DGAT2: variants seen among roughly 807,000 people sequenced by gnomAD.
DGAT2 encodes the protein diacylglycerol O-acyltransferase 2, also known as acyl-CoA retinol O-fatty-acyltransferase.
In DGAT2, 33 loss-of-function variants were observed where a neutral mutation model predicts 48.4. That is an observed-to-expected ratio of 0.68 (90% CI 0.52 to 0.91). The LOEUF (loss-of-function observed/expected upper bound fraction) is 0.91. DGAT2 is among the 40% of genes least tolerant of loss of function. The probability of loss-of-function intolerance (pLI) is 0.00; values close to 1 mark genes in which losing one functional copy is unlikely to be tolerated. For synonymous variants in DGAT2, 191 were observed against 194.1 expected (o/e 0.98, Z 0.13); for missense variants, 446 against 493.7 (o/e 0.90, Z 0.92).
In DGAT2 at chr11:75,769,080, C is replaced by T. The variant is rs570824870; in HGVS notation, c.89C>T (p.Pro30Leu). Residue 30 changes from proline (P) to leucine (L), a missense_variant, in exon 1 of 8, where the codon CCT becomes CTT. Transcript: ENST00000228027. ...CGGAGCCAGCGCTCTCACGGAGGAC[C>T]TGCGCTGTCGCGCGAGGGGTCTGGG... Reference protein sequence around the residue: ...ADRSQRSHGGPALSREGSGRW... With the variant: ...ADRSQRSHGGLALSREGSGRW... 1.3e-4 allele frequency: 202 copies of T among 1,577,808 alleles called. No homozygotes were observed. In the East Asian group the frequency reaches 4.6e-3, roughly 36 times the overall value.
intron 2 of DGAT2, 33 bp downstream of exon 2, chr11:75,784,779 C>T (rs952560801): frequency 1.9e-6 from 3 of 1,612,986 alleles, no homozygotes; most frequent in South Asian, 1.1e-5. Context: ...GGCAGGTGGG[C>T]AGGCAGTGTC....
chr11:75,790,253 T>C lies in DGAT2; in HGVS notation c.316T>C (p.Tyr106His). The C allele has an allele frequency of 6.2e-7, 1 of 1,614,228 alleles. No homozygotes were observed. The highest frequency in any genetic ancestry group is 1.1e-5 in the South Asian group (1 of 91,092). Reference protein sequence around the residue: ...CTDCWLIAVLYFTWLVFDWNT... With the variant: ...CTDCWLIAVLHFTWLVFDWNT... ...TGATTGCTGGCTCATCGCTGTGCTC[T>C]ACTTCACTTGGCTGGTGTTTGACTG... Residue 106 changes from tyrosine (Y) to histidine (H), a missense_variant, in exon 3 of 8, where the codon TAC becomes CAC. Physicochemically the swap from Tyr to His is moderately conservative, Grantham distance 83. Coordinates refer to ENST00000228027, the MANE Select transcript of DGAT2 (RefSeq NM_032564.5).
At chr11:75,788,833 G>A (rs1187394779) in intron 2 of DGAT2, among the ~76,000 whole-genome samples, 1 of 152,214 alleles carries the variant, frequency 6.6e-6, no homozygotes, top group East Asian at 1.9e-4. Context: ...TGAATGCCAA[G>A]GACCAAAGAA....
chr11:75,800,808 G>A lies in DGAT2; in HGVS notation c.*300G>A. ...GAAACTCAGTCTTCTTGGGGAAGAA[G>A]GATTGCCATTAGTGACTTGGACCAG... is the stretch of plus-strand genomic sequence containing the variant. On this transcript the variant is annotated 3_prime_UTR_variant, in exon 8 of 8. Transcript: ENST00000228027. 3.1e-6 allele frequency: 1 copy of A among 326,642 alleles called. No individual in the cohort carries two copies. Among genetic ancestry groups the A allele is most frequent in the African/African-American group, 2.2e-5 (1 of 45,712 alleles). 20.2% of individuals were successfully genotyped at this position (326,642 alleles called of 1,614,324 possible).
At chr11:75,780,113 A>T (rs1180755748) in intron 1 of DGAT2, among the ~76,000 whole-genome samples, 3 of 152,134 alleles carry the variant, frequency 2.0e-5, no homozygotes, top group African/African-American at 4.8e-5. Context: ...GGCAGATAGG[A>T]GCAGGGACTT....
chr11:75,778,809 G>A (rs1944829745), intron 1 of DGAT2, among the ~76,000 whole-genome samples: 1 of 148,990 alleles, frequency 6.7e-6, no homozygotes, highest in South Asian at 2.1e-4. Context: ...ACTCCAGCCT[G>A]GGCGACAGAT....
At chr11:75,796,027 G>A (rs1468256942) in intron 4 of DGAT2, 1 of 355,410 alleles carries the variant, frequency 2.8e-6, no homozygotes, top group Non-Finnish European at 5.2e-6. Flanking sequence ...CAGAGGGAGG[G>A]AAGGCAGGAG....
Position 75,769,101 on chromosome 11 carries a change from C to G in DGAT2, c.110C>G (p.Ser37Cys), listed in dbSNP as rs1287359155. ...GGACCTGCGCTGTCGCGCGAGGGGT[C>G]TGGGAGATGGGGTGAGTGCCACGGC... ...HGGPALSREG[S>C]GRWGTGSSIL... is the part of the protein sequence containing the mutation. Residue 37 changes from serine to cysteine, a missense_variant, in exon 1 of 8, where the codon TCT becomes TGT. Physicochemically the swap from Ser to Cys is moderately radical, Grantham distance 112 (BLOSUM62 -1). Transcript: ENST00000228027. 3.2e-6 allele frequency: 5 copies of G among 1,568,750 alleles called. No homozygotes were observed.
intron 2 of DGAT2, among the ~76,000 whole-genome samples, chr11:75,785,082 A>G (rs1014802094): frequency 2.0e-5 from 3 of 152,124 alleles, no homozygotes; most frequent in African/African-American, 7.2e-5. Flanking sequence ...TGCCTTTCCC[A>G]CAATGCCACC....
In DGAT2 at chr11:75,790,660, G is replaced by A. The variant is rs773070174; in HGVS notation, c.359-1G>A. 4 of 1,614,016 alleles carry A rather than the reference G, an allele frequency of 2.5e-6. No individual in the cohort carries two copies. The Admixed American group carries it at 6.7e-5, about 27-fold the overall frequency. ...CAACTCTGTATTTTATTCCCTGGAA[G>A]GTGGCAGGAGGTCACAGTGGGTCCG... is the stretch of plus-strand genomic sequence containing the variant. On this transcript the variant is annotated splice_acceptor_variant, in intron 3 of 7. Transcript: ENST00000228027. LOFTEE classifies it high-confidence loss of function.
chr11:75,799,061 A>G (rs1016810581), intron 7 of DGAT2, among the ~76,000 whole-genome samples: 3 of 152,182 alleles, frequency 2.0e-5, no homozygotes, highest in African/African-American at 7.2e-5. Context: ...GTGTGTGTGC[A>G]TGTTAATGGA....
chr11:75,769,400 C>T (rs1375345388), intron 1 of DGAT2, among the ~76,000 whole-genome samples: 1 of 152,010 alleles, frequency 6.6e-6, no homozygotes, highest in East Asian at 1.9e-4. Context: ...CCTCTCCCTT[C>T]ACCAGGTAGA....
chr11:75,792,590 T>A (rs1251560277), intron 4 of DGAT2: 10 of 151,752 alleles, frequency 6.6e-5, no homozygotes. Flanking sequence ...GGGACTCTGG[T>A]CTTTGCTGCC....
intron 7 of DGAT2, 88 bp downstream of exon 7, chr11:75,798,517 G>T: frequency 1.4e-6 from 2 of 1,453,740 alleles, no homozygotes; most frequent in Non-Finnish European, 1.9e-6. Context: ...TCCAATGCAG[G>T]CCACCTGGCT....
intron 2 of DGAT2, among the ~76,000 whole-genome samples, chr11:75,785,010 A>T (rs1482145375): frequency 6.6e-6 from 1 of 152,160 alleles, no homozygotes; most frequent in African/African-American, 2.4e-5. Flanking sequence ...CTTAGAGAAG[A>T]TAGGTAACTT....
At position 75,788,380 on chromosome 11, in the gene DGAT2, G is replaced by T. The variant is rs763255978; in HGVS notation, c.251-1808G>T. The stretch of plus-strand genomic sequence containing the variant: ...TAACAGGCTCTTGTAGGCTGCACAT[G>T]CTTCCCTAGAAACTTGTCTTCCCTT... On this transcript the variant is annotated intron_variant, in intron 2 of 7. Coordinates refer to ENST00000228027, the MANE Select transcript of DGAT2 (RefSeq NM_032564.5). 1.3e-4 allele frequency among the ~76,000 whole-genome samples: 20 copies of T among 152,312 alleles called. 1 individual carries two copies. The South Asian group carries it at 1.7e-3, about 13-fold the overall frequency.
At chr11:75,776,106 T>G (rs1234315713) in intron 1 of DGAT2, 1 of 152,194 alleles carries the variant, frequency 6.6e-6, no homozygotes, top group East Asian at 1.9e-4. Context: ...GCCCCGACAT[T>G]AACCACCCTC....
intron 1 of DGAT2, among the ~76,000 whole-genome samples, chr11:75,777,208 C>T (rs1033641613): frequency 6.6e-6 from 1 of 151,042 alleles, no homozygotes; most frequent in East Asian, 2.0e-4. Flanking sequence ...ATCTTTCTGG[C>T]TCTCTCACAT....
At position 75,800,500 on chromosome 11, in the gene DGAT2, G is replaced by T. The variant is rs1239995206; in HGVS notation, c.1159G>T (p.Val387Leu). 6.2e-7 allele frequency: 1 copy of T among 1,614,070 alleles called. No individual in the cohort carries two copies. The highest frequency in any genetic ancestry group is 8.5e-7 in the Non-Finnish European group (1 of 1,179,974). Residue 387 changes from valine (V) to leucine (L), a missense_variant, in exon 8 of 8, where the codon GTG becomes TTG. Physicochemically the swap from Val to Leu is conservative, Grantham distance 32. Transcript: ENST00000228027. ...FGLPETEVLE[V>L]N is the part of the protein sequence containing the mutation. The stretch of plus-strand genomic sequence containing the variant: ...CCTCCCGGAGACTGAGGTCCTGGAG[G>T]TGAACTGAGCCAGCCTTCGGGGCCA...
Sources: gnomAD v4.1 joint callset for allele counts (sites outside exome capture counted in the v4.1 genomes callset) on GRCh38, gnomAD v4.1.1 for gene constraint, MANE v1.5 for transcripts, NCBI Gene and HGNC (gene_info 2026-07-23, HGNC 2026-07-21) for gene names.